The following NDUFB9 variants were observed in gnomAD, a reference collection of about 807,000 sequenced individuals.
NDUFB9 encodes the protein NADH dehydrogenase [ubiquinone] 1 beta subcomplex subunit 9.
NDUFB9 carries 24 observed loss-of-function variants against 30.2 expected under a neutral mutation model. The observed-to-expected ratio is 0.80, with a 90% CI of 0.58 to 1.12. NDUFB9 has a LOEUF of 1.12. Ranked by LOEUF, NDUFB9 falls within the 50% of genes most tolerant of loss-of-function variation. NDUFB9 has a pLI of 0.00. For missense variants in NDUFB9, 204 were observed against 226.0 expected, an observed-to-expected ratio of 0.90 and a Z score of 0.62; for synonymous variants, 80 against 84.0, an observed-to-expected ratio of 0.95 and a Z score of 0.26.
At chr8:124,540,508 A>G (rs1821910029) in intron 1 of NDUFB9, among the ~76,000 whole-genome samples, 1 of 152,214 alleles carries the variant, frequency 6.6e-6, no homozygotes, top group Non-Finnish European at 1.5e-5. Flanking sequence ...ATTATACATT[A>G]TATGGATGTA....
intron 2 of NDUFB9, among the ~76,000 whole-genome samples, chr8:124,543,520 T>C (rs1287575438): frequency 2.0e-5 from 3 of 152,220 alleles, no homozygotes; most frequent in African/African-American, 7.2e-5. Context: ...GTGGGCACCA[T>C]TTTTCCAACA....
intron 1 of NDUFB9, chr8:124,542,874 T>G: frequency 2.2e-6 from 1 of 458,162 alleles, no homozygotes; most frequent in Non-Finnish European, 3.9e-6. Context: ...AGAAAAATGG[T>G]TAGGGTATAT....
Position 124,539,267 on chromosome 8 carries a change from C to A in NDUFB9, c.81C>A (p.Leu27=), listed in dbSNP as rs369106376. ...TTTATAAGCGGGCGCTACGCCACCT[C>A]GAGTCGTGGTGCGTCCAGAGGTAAG... ...LRLYKRALRH[L]ESWCVQRDKY... The change falls in exon 1 of 4, where the codon CTC becomes CTA. Residue 27 remains leucine, a synonymous_variant. Transcript: ENST00000276689. 6.2e-7 allele frequency: 1 copy of A among 1,614,158 alleles called. No homozygotes were observed. The highest frequency in any genetic ancestry group is 1.7e-5 in the Admixed American group (1 of 60,028).
At position 124,543,265 on chromosome 8, in the gene NDUFB9, T is replaced by TA. The variant is rs1563707144; in HGVS notation, c.281dup (p.Tyr94Ter). The change falls in exon 2 of 4, where the codon TAC becomes TAAC. Residue 94 changes from tyrosine (Y) to a stop codon, truncating the protein, a stop_gained and frameshift_variant. Coordinates refer to ENST00000276689, the MANE Select transcript of NDUFB9 (RefSeq NM_005005.3). LOFTEE classifies it high-confidence loss of function. ...TCCTGGGGGCACCTCCTATGAGAGA[T>TA]ACGATTGCTACAAGGTAGGTGAGAA... ...DSPGGTSYER[Y>*]DCYKVPEWCL... 1.2e-6 allele frequency: 2 copies of TA among 1,613,736 alleles called. No individual in the cohort carries two copies. Among genetic ancestry groups the TA allele is most frequent in the Non-Finnish European group, 1.7e-6 (2 of 1,179,600 alleles).
chr8:124,549,137 C>T (rs1405305841), intron 3 of NDUFB9, among the ~76,000 whole-genome samples: 1 of 152,244 alleles, frequency 6.6e-6, no homozygotes, highest in African/African-American at 2.4e-5. Flanking sequence ...TATTAAGCAG[C>T]ACGTGTGACT....
At chr8:124,547,191 G>T in intron 3 of NDUFB9, 78 bp downstream of exon 3, 1 of 1,060,430 alleles carries the variant, frequency 9.4e-7, no homozygotes, top group East Asian at 2.4e-5. Context: ...CAGAGGTCCA[G>T]ATTCCAGCCA....
intron 1 of NDUFB9, among the ~76,000 whole-genome samples, chr8:124,540,041 C>G (rs1176483857): frequency 1.3e-5 from 2 of 152,190 alleles, no homozygotes; most frequent in African/African-American, 2.4e-5. Flanking sequence ...TGCCTCGCCT[C>G]CACTCCAGTC....
Position 124,539,130 on chromosome 8 carries a change from C to A in NDUFB9, c.-57C>A, listed in dbSNP as rs1015371143. On this transcript the variant is annotated 5_prime_UTR_variant, in exon 1 of 4. Transcript: ENST00000276689. Reference sequence around the variant, plus strand: ...TTCCGGCTGGCCCCGCTCAGTCACCCGCAGCAGGCGTGCAGTTTCCCGGCT... The same window carrying A: ...TTCCGGCTGGCCCCGCTCAGTCACCAGCAGCAGGCGTGCAGTTTCCCGGCT... The A allele has an allele frequency of 2.5e-6, 4 of 1,612,764 alleles. No individual in the cohort carries two copies. The African/African-American group carries it at 5.3e-5, about 22-fold the overall frequency.
In NDUFB9 at chr8:124,543,072, T is replaced by G. The variant is rs935224005; in HGVS notation, c.102-15T>G. 2 of 1,613,050 alleles carry G rather than the reference T, an allele frequency of 1.2e-6. No homozygotes were observed. The highest frequency in any genetic ancestry group is 1.7e-6 in the Non-Finnish European group (2 of 1,179,246). On this transcript the variant is annotated splice_polypyrimidine_tract_variant and intron_variant, in intron 1 of 3. Coordinates refer to ENST00000276689, the MANE Select transcript of NDUFB9 (RefSeq NM_005005.3). ...TAGGTAACATTTCTAATCTTCAAAA[T>G]CATTTTGGTTTAAGAGACAAATACC...
chr8:124,542,824 T>G, intron 1 of NDUFB9: 4 of 272,104 alleles, frequency 1.5e-5, no homozygotes, highest in Non-Finnish European at 2.9e-5. Flanking sequence ...TTTTTTTTTT[T>G]TTTTGTTTAA....
At position 124,542,998 on chromosome 8, in the gene NDUFB9, G is replaced by C. The variant is rs1302098279; in HGVS notation, c.102-89G>C. On this transcript the variant is annotated intron_variant, in intron 1 of 3. Coordinates refer to ENST00000276689, the MANE Select transcript of NDUFB9 (RefSeq NM_005005.3). ...GGGTAGGTCCACTGCCCATCCAGAA[G>C]GTATCAGAAGTGCAGCCTCCTGTCA... 5 of 1,381,676 alleles carry C rather than the reference G, an allele frequency of 3.6e-6. No individual in the cohort carries two copies. In the East Asian group the frequency reaches 9.3e-5, roughly 26 times the overall value. 85.6% of individuals were successfully genotyped at this position (1,381,676 alleles called of 1,614,324 possible).
At chr8:124,545,342 G>A (rs1402696285) in intron 2 of NDUFB9, among the ~76,000 whole-genome samples, 1 of 152,182 alleles carries the variant, frequency 6.6e-6, no homozygotes, top group Non-Finnish European at 1.5e-5. Flanking sequence ...AGTGTTTGGT[G>A]TAAGGAAGAG....
intron 1 of NDUFB9, among the ~76,000 whole-genome samples, chr8:124,542,456 C>T (rs550881485): frequency 6.6e-6 from 1 of 152,316 alleles, no homozygotes; most frequent in African/African-American, 2.4e-5. Flanking sequence ...TTGGAAGTCT[C>T]AATGTCTCCC....
intron 2 of NDUFB9, among the ~76,000 whole-genome samples, chr8:124,543,802 G>T (rs547595156): frequency 6.6e-6 from 1 of 152,232 alleles, no homozygotes; most frequent in East Asian, 1.9e-4. Flanking sequence ...TCCCTAAGAC[G>T]CAGCAACAGT....
intron 3 of NDUFB9, among the ~76,000 whole-genome samples, chr8:124,548,961 A>T (rs1455811133): frequency 6.6e-6 from 1 of 152,162 alleles, no homozygotes; most frequent in Non-Finnish European, 1.5e-5. Flanking sequence ...GCCAAGGGGG[A>T]CCCGAAGGAA....
chr8:124,545,181 GT>G (rs1822124231), intron 2 of NDUFB9, among the ~76,000 whole-genome samples: 1 of 152,208 alleles, frequency 6.6e-6, no homozygotes, highest in Non-Finnish European at 1.5e-5. Flanking sequence ...TCCTGGTGAA[GT>G]TTTTGTGAAC....
Position 124,539,149 on chromosome 8 carries a change from C to A in NDUFB9, c.-38C>A. 6.2e-7 allele frequency: 1 copy of A among 1,613,722 alleles called. No homozygotes were observed. The highest frequency in any genetic ancestry group is 8.5e-7 in the Non-Finnish European group (1 of 1,179,610). The stretch of plus-strand genomic sequence containing the variant: ...GTCACCCGCAGCAGGCGTGCAGTTT[C>A]CCGGCTCTCCGCGCGGCCGGGGAAG... On this transcript the variant is annotated 5_prime_UTR_variant, in exon 1 of 4. Coordinates refer to ENST00000276689, the MANE Select transcript of NDUFB9 (RefSeq NM_005005.3).
chr8:124,547,633 A>G (rs975916502), intron 3 of NDUFB9, among the ~76,000 whole-genome samples: 3 of 152,048 alleles, frequency 2.0e-5, no homozygotes. Flanking sequence ...ATTTGGAGGG[A>G]TGTGACGACT....
chr8:124,542,970 T>C (rs1586713367), intron 1 of NDUFB9, 117 bp from the exon 2 acceptor site: 3 of 1,023,500 alleles, frequency 2.9e-6, no homozygotes, highest in Admixed American at 3.9e-5. Context: ...ATTGGGAGGG[T>C]TGGGGTAGGT....
Sources: gnomAD v4.1 joint callset for allele counts (sites outside exome capture counted in the v4.1 genomes callset) on GRCh38, gnomAD v4.1.1 for gene constraint, MANE v1.5 for transcripts, NCBI Gene and HGNC (gene_info 2026-07-23, HGNC 2026-07-21) for gene names.